The following TBX20 variants were observed in gnomAD, a reference collection of about 807,000 sequenced individuals.
TBX20 encodes T-box transcription factor 20.
In TBX20, 8 loss-of-function variants were observed where a neutral mutation model predicts 42.9. The ratio of observed to expected loss-of-function variants is 0.19; its 90% confidence interval spans 0.11 to 0.34. The LOEUF is 0.34. Among genes scored for constraint, TBX20 ranks in the 10% least tolerant of loss-of-function variants. TBX20 has a pLI of 1.00. For missense variants in TBX20, 411 were observed against 566.0 expected (o/e 0.73, Z 2.78); for synonymous variants, 198 against 222.8 (o/e 0.89, Z 0.99).
intron 6 of TBX20, among the ~76,000 whole-genome samples, 181 bp downstream of exon 6, chr7:35,231,323 T>A (rs1429944274): frequency 6.6e-6 from 1 of 152,138 alleles, no homozygotes; most frequent in East Asian, 1.9e-4. Flanking sequence ...ATATAATAGA[T>A]CCAGTCACAG....
intron 6 of TBX20, among the ~76,000 whole-genome samples, chr7:35,215,881 T>G (rs1479139417): frequency 6.6e-6 from 1 of 152,174 alleles, no homozygotes; most frequent in Admixed American, 6.5e-5. Flanking sequence ...TTATTCAACC[T>G]CTAGACAAGC....
intron 6 of TBX20, 59 bp downstream of exon 6, chr7:35,231,445 A>C (rs1789864272): frequency 8.3e-7 from 1 of 1,210,462 alleles, no homozygotes. Context: ...GTGTTGTTAC[A>C]AACTCCCTCT....
At chr7:35,211,567 A>G (rs1208156041) in intron 6 of TBX20, among the ~76,000 whole-genome samples, 1 of 152,166 alleles carries the variant, frequency 6.6e-6, no homozygotes, top group Non-Finnish European at 1.5e-5. Context: ...CAATGGTTCA[A>G]CTTACAAATT....
At chr7:35,224,247 T>C (rs949339959) in intron 6 of TBX20, among the ~76,000 whole-genome samples, 6 of 152,204 alleles carry the variant, frequency 3.9e-5, no homozygotes, top group African/African-American at 1.4e-4. Context: ...TTTGAACAAA[T>C]TAGCAGAAAC....
chr7:35,216,336 C>T (rs1430895995), intron 6 of TBX20, among the ~76,000 whole-genome samples: 1 of 152,138 alleles, frequency 6.6e-6, no homozygotes, highest in African/African-American at 2.4e-5. Flanking sequence ...TGGTTAGGGG[C>T]ATGTTTGCTG....
chr7:35,224,429 T>C (rs1477562243), intron 6 of TBX20, among the ~76,000 whole-genome samples: 1 of 152,072 alleles, frequency 6.6e-6, no homozygotes, highest in African/African-American at 2.4e-5. Flanking sequence ...TCCCAGCACT[T>C]TGGGAGGCCG....
intron 5 of TBX20, among the ~76,000 whole-genome samples, chr7:35,238,855 G>A (rs112755407): frequency 1.1e-4 from 15 of 137,590 alleles, no homozygotes; most frequent in African/African-American, 3.6e-4. Flanking sequence ...TAACAATTAC[G>A]CATTAATTTC....
chr7:35,206,005 G>A (rs1789393006), intron 6 of TBX20, among the ~76,000 whole-genome samples: 1 of 152,184 alleles, frequency 6.6e-6, no homozygotes, highest in South Asian at 2.1e-4. Flanking sequence ...GCTACCATTT[G>A]TGAAGTTAGA....
chr7:35,236,174 G>A (rs1166794420), intron 5 of TBX20, among the ~76,000 whole-genome samples: 9 of 152,038 alleles, frequency 5.9e-5, no homozygotes, highest in Admixed American at 5.9e-4. Context: ...CACAATAAAT[G>A]AGGAATTTTT....
chr7:35,251,467 T>C (rs1261179446), intron 1 of TBX20, among the ~76,000 whole-genome samples: 2 of 152,244 alleles, frequency 1.3e-5, no homozygotes, highest in African/African-American at 4.8e-5. Flanking sequence ...TCCTGATTTT[T>C]TTCAGATTAA....
chr7:35,244,921 C>A (rs769824644), intron 4 of TBX20, 28 bp downstream of exon 4: 16 of 1,548,308 alleles, frequency 1.0e-5, no homozygotes, highest in Middle Eastern at 3.4e-4. Context: ...CCTCAGGGAA[C>A]CTGCACAGTC....
Position 35,250,277 on chromosome 7 carries a change from C to CA in TBX20, c.128-75dup, listed in dbSNP as rs5883498. Reference sequence around the variant, plus strand: ...AAAGATCTGGAAAGAACAGCATAACCAAATGGTCACTTGGATTTGACTCAG... The same window carrying CA: ...AAAGATCTGGAAAGAACAGCATAACCAAAATGGTCACTTGGATTTGACTCAG... On this transcript the variant is annotated intron_variant, in intron 1 of 7. Coordinates refer to ENST00000408931, the MANE Select transcript of TBX20 (RefSeq NM_001077653.2). 1,578,098 of 1,578,140 alleles carry CA rather than the reference C, an allele frequency of 1. 789,028 individuals carry two copies. Among genetic ancestry groups the CA allele is most frequent in the Middle Eastern group, 1 (6,006 of 6,006 alleles).
intron 6 of TBX20, among the ~76,000 whole-genome samples, chr7:35,219,322 A>G: frequency 6.6e-6 from 1 of 152,258 alleles, no homozygotes; most frequent in East Asian, 1.9e-4. Context: ...CAACACTGTC[A>G]TTGTAACACA....
At chr7:35,231,301 CA>C (rs1366019870) in intron 6 of TBX20, among the ~76,000 whole-genome samples, 1 of 152,136 alleles carries the variant, frequency 6.6e-6, no homozygotes, top group East Asian at 1.9e-4. Context: ...CTATTTCACT[CA>C]GAAATTAAGC....
intron 5 of TBX20, 29 bp from the exon 6 acceptor site, chr7:35,231,609 T>C: frequency 1.4e-6 from 2 of 1,444,228 alleles, no homozygotes; most frequent in South Asian, 1.1e-5. Context: ...CAAAACAGTA[T>C]CATTTATGAG....
intron 5 of TBX20, among the ~76,000 whole-genome samples, chr7:35,240,275 C>T (rs1340161186): frequency 2.0e-5 from 3 of 152,106 alleles, no homozygotes; most frequent in African/African-American, 4.8e-5. Flanking sequence ...TGTTCAAAAA[C>T]GTTTCAGATT....
At chr7:35,247,320 T>C (rs1186303626) in intron 3 of TBX20, among the ~76,000 whole-genome samples, 3 of 152,014 alleles carry the variant, frequency 2.0e-5, no homozygotes, top group Admixed American at 2.0e-4. Flanking sequence ...AGAACACTAA[T>C]TTTATTAATT....
intron 5 of TBX20, among the ~76,000 whole-genome samples, chr7:35,237,455 G>A (rs79215950): frequency 0.36 from 54,604 of 150,568 alleles, 10,142 homozygotes; most frequent in Admixed American, 0.46. Context: ...TACAAAAATA[G>A]TGTTCTCATT....
intron 4 of TBX20, among the ~76,000 whole-genome samples, chr7:35,242,363 A>G (rs1790100413): frequency 2.0e-5 from 3 of 152,226 alleles, no homozygotes; most frequent in South Asian, 4.1e-4. Flanking sequence ...TAAATGAATC[A>G]AAATAATGTT....
Sources: gnomAD v4.1 joint callset for allele counts (sites outside exome capture counted in the v4.1 genomes callset) on GRCh38, gnomAD v4.1.1 for gene constraint, MANE v1.5 for transcripts, NCBI Gene and HGNC (gene_info 2026-07-23, HGNC 2026-07-21) for gene names.